The following ADCY3 variants were observed in gnomAD, a reference collection of about 807,000 sequenced individuals.
ADCY3 encodes adenylate cyclase type 3.
ADCY3 carries 70 observed loss-of-function variants against 119.4 expected under a neutral mutation model. That is an observed-to-expected ratio of 0.59 (90% confidence interval 0.48 to 0.72). The LOEUF is 0.72. Among genes scored for constraint, ADCY3 ranks in the 30% least tolerant of loss-of-function variants. ADCY3 has a pLI of 0.00. For missense variants in ADCY3, 1,238 were observed against 1,541.6 expected (o/e 0.80, Z 3.30); for synonymous variants, 672 against 621.4 (o/e 1.08, Z -1.21).
chr2:24,890,026 A>G (rs1461385836), intron 2 of ADCY3, among the ~76,000 whole-genome samples: 1 of 152,192 alleles, frequency 6.6e-6, no homozygotes, highest in South Asian at 2.1e-4. Context: ...GAGAGGTATT[A>G]TCTGAATGGA....
At chr2:24,826,435 T>C (rs1668630369) in intron 15 of ADCY3, 3 of 267,140 alleles carry the variant, frequency 1.1e-5, no homozygotes, top group Non-Finnish European at 2.1e-5. Flanking sequence ...GCTACAACCA[T>C]GCAGGAATTT....
Position 24,819,754 on chromosome 2 carries a change from C to A in ADCY3, c.*178G>T, listed in dbSNP as rs887742512. 1 of 658,936 alleles carries A rather than the reference C, an allele frequency of 1.5e-6. No individual in the cohort carries two copies. Among genetic ancestry groups the A allele is most frequent in the Admixed American group, 3.0e-5 (1 of 33,774 alleles). 40.8% of individuals were successfully genotyped at this position (658,936 alleles called of 1,614,324 possible). Reference sequence around the variant, plus strand: ...CTATGCTGGGGACACTACAGGCACACACAGGAATAGCAGGGCCACCCTCAG... The same window carrying A: ...CTATGCTGGGGACACTACAGGCACAAACAGGAATAGCAGGGCCACCCTCAG... On this transcript the variant is annotated 3_prime_UTR_variant, in exon 22 of 22. Coordinates refer to ENST00000679454, the MANE Select transcript of ADCY3 (RefSeq NM_004036.5).
At chr2:24,907,406 A>G (rs1250033406) in intron 2 of ADCY3, among the ~76,000 whole-genome samples, 1 of 152,202 alleles carries the variant, frequency 6.6e-6, no homozygotes, top group Non-Finnish European at 1.5e-5. Flanking sequence ...GGAGCTCAAG[A>G]GAGGGGTAGA....
intron 17 of ADCY3, 146 bp downstream of exon 17, chr2:24,824,232 A>T: frequency 2.0e-6 from 2 of 1,002,830 alleles, no homozygotes; most frequent in African/African-American, 1.6e-5. Context: ...TCTTTTGCTT[A>T]TTTGTGTTTG....
At chr2:24,885,467 G>A (rs911997666) in intron 2 of ADCY3, among the ~76,000 whole-genome samples, 11 of 152,194 alleles carry the variant, frequency 7.2e-5, no homozygotes, top group East Asian at 1.9e-4. Context: ...CCAACACGGC[G>A]CAGGTCCTCA....
chr2:24,893,407 G>T (rs1255127344), intron 2 of ADCY3, among the ~76,000 whole-genome samples: 1 of 152,050 alleles, frequency 6.6e-6, no homozygotes. Flanking sequence ...TGTACAGACA[G>T]GGTCTTGCTC....
At chr2:24,843,445 C>G (rs1346814191) in intron 3 of ADCY3, among the ~76,000 whole-genome samples, 1 of 152,214 alleles carries the variant, frequency 6.6e-6, no homozygotes, top group South Asian at 2.1e-4. Flanking sequence ...GTTGCCCAAG[C>G]TGGTCTTGGA....
In ADCY3 at chr2:24,819,977, A is replaced by C; in HGVS notation, c.3390T>G (p.Asn1130Lys). The change falls in exon 22 of 22, where the codon AAT (asparagine) becomes AAG (lysine). Residue 1130 changes from asparagine to lysine, a missense_variant. By Grantham distance (94) the Asn-to-Lys change is moderately conservative. Transcript: ENST00000679454. ...KGRDKLATFP[N>K]GPSVTLPHQV... The stretch of plus-strand genomic sequence containing the variant: ...GGTGGGGCAGTGTGACAGAGGGGCC[A>C]TTGGGGAAGGTGGCTAGCTTATCCC... 1 of 1,613,724 alleles carries C rather than the reference A, an allele frequency of 6.2e-7. No individual in the cohort carries two copies. Among genetic ancestry groups the C allele is most frequent in the South Asian group, 1.1e-5 (1 of 91,048 alleles).
chr2:24,829,440 T>G (rs1330106922), intron 13 of ADCY3, among the ~76,000 whole-genome samples: 1 of 67,820 alleles, frequency 1.5e-5, no homozygotes, highest in African/African-American at 4.7e-5. Flanking sequence ...TTTTTTTTTT[T>G]GAGACAAAGT....
chr2:24,897,704 C>T (rs1678443654), intron 2 of ADCY3, among the ~76,000 whole-genome samples: 1 of 152,176 alleles, frequency 6.6e-6, no homozygotes, highest in Admixed American at 6.5e-5. Flanking sequence ...TTCACACTCA[C>T]ACGGGAAGTT....
chr2:24,879,084 C>T (rs1026375627), intron 2 of ADCY3, among the ~76,000 whole-genome samples: 8 of 152,280 alleles, frequency 5.3e-5, no homozygotes, highest in East Asian at 1.9e-4. Flanking sequence ...GACCTGCACA[C>T]GGCTGCCCGC....
intron 2 of ADCY3, among the ~76,000 whole-genome samples, chr2:24,907,495 G>C (rs1663010518): frequency 6.6e-6 from 1 of 152,146 alleles, no homozygotes; most frequent in Admixed American, 6.5e-5. Flanking sequence ...GAAAAGGAAA[G>C]AAACAGTTTC....
At chr2:24,902,733 T>A (rs1679049493) in intron 2 of ADCY3, among the ~76,000 whole-genome samples, 1 of 152,004 alleles carries the variant, frequency 6.6e-6, no homozygotes. Flanking sequence ...TAATGAATAG[T>A]CAATATATTT....
Position 24,842,527 on chromosome 2 carries a change from G to A in ADCY3, c.826-143C>T. The A allele has an allele frequency of 2.7e-6, 3 of 1,108,020 alleles. No individual in the cohort carries two copies. The highest frequency in any genetic ancestry group is 3.8e-6 in the Non-Finnish European group (3 of 784,336). The allele number at this position is 1,108,020 out of a possible 1,614,324, so 68.6% of individuals were successfully genotyped here. On this transcript the variant is annotated intron_variant, in intron 3 of 21. Transcript: ENST00000679454. This position sits in a 1 kb window ranked among gnomAD's most constrained non-coding sequence, Gnocchi z 4.9. ...CCCTCCAGAGAGACCTCACAGATCT[G>A]CCTCGGGAGCAGCCAGGGGTCTGGG...
chr2:24,834,787 C>T lies in ADCY3; in HGVS notation c.1805+7G>A, dbSNP rs768407459. 1.1e-5 allele frequency: 17 copies of T among 1,611,564 alleles called. No homozygotes were observed. The highest frequency in any genetic ancestry group is 9.4e-5 in the African/African-American group (7 of 74,856). On this transcript the variant is annotated splice_region_variant and intron_variant, in intron 10 of 21. Coordinates refer to ENST00000679454, the MANE Select transcript of ADCY3 (RefSeq NM_004036.5). The surrounding 1 kb of genome is among the most constrained non-coding windows in gnomAD (Gnocchi z 4.2). Reference sequence around the variant, plus strand: ...GGTGGGCCTGGACGCTTCCGGGTGGCGCTTACACTTGGGCGGACTCTCGCT... The same window carrying T: ...GGTGGGCCTGGACGCTTCCGGGTGGTGCTTACACTTGGGCGGACTCTCGCT...
chr2:24,918,571 C>G lies in ADCY3; in HGVS notation c.417G>C (p.Leu139=). The G allele has an allele frequency of 6.2e-7, 1 of 1,614,156 alleles. No homozygotes were observed. The highest frequency in any genetic ancestry group is 8.5e-7 in the Non-Finnish European group (1 of 1,180,032). Residue 139 remains leucine (L), a synonymous_variant, in exon 2 of 22, where the codon CTG becomes CTC. Coordinates refer to ENST00000679454, the MANE Select transcript of ADCY3 (RefSeq NM_004036.5). This position sits in a 1 kb window ranked among gnomAD's most constrained non-coding sequence, Gnocchi z 5.4. Reference sequence around the variant, plus strand: ...TTATGAGCAGCCACAGCACGTAGGGCAGCACTCTGCGGGTGACCCGGTCCG... The same window carrying G: ...TTATGAGCAGCCACAGCACGTAGGGGAGCACTCTGCGGGTGACCCGGTCCG... ...LLPDRVTRRV[L]PYVLWLLITA... is the part of the protein sequence containing the mutation.
At chr2:24,909,914 G>A (rs1573056101) in intron 2 of ADCY3, among the ~76,000 whole-genome samples, 1 of 152,178 alleles carries the variant, frequency 6.6e-6, no homozygotes, top group East Asian at 1.9e-4. Context: ...CGATAGTGAT[G>A]AGCCTAACCT....
chr2:24,865,611 G>A (rs895757451), intron 3 of ADCY3, among the ~76,000 whole-genome samples: 14 of 151,506 alleles, frequency 9.2e-5, no homozygotes, highest in African/African-American at 3.4e-4. Context: ...GGGCTGGATG[G>A]CTAGGGGAAA....
chr2:24,882,239 C>T (rs1252844107), intron 2 of ADCY3, among the ~76,000 whole-genome samples: 1 of 151,776 alleles, frequency 6.6e-6, no homozygotes, highest in Non-Finnish European at 1.5e-5. Flanking sequence ...CCAGAGAAGG[C>T]CATCTGGTCA....
Sources: gnomAD v4.1 joint callset for allele counts (sites outside exome capture counted in the v4.1 genomes callset) on GRCh38, gnomAD v4.1.1 for gene constraint, Gnocchi (gnomAD v3.1) non-coding constraint, MANE v1.5 for transcripts, NCBI Gene and HGNC (gene_info 2026-07-23, HGNC 2026-07-21) for gene names.